PDE4D: variants seen among roughly 807,000 people sequenced by gnomAD.
PDE4D encodes 3',5'-cyclic-AMP phosphodiesterase 4D.
Under a neutral mutation model 87.4 loss-of-function variants are expected in PDE4D, and 24 were observed. The ratio of observed to expected loss-of-function variants is 0.27; its 90% CI spans 0.20 to 0.39. PDE4D has a LOEUF of 0.39. Ranked by LOEUF, PDE4D falls within the 10% of genes least tolerant of loss-of-function variation. PDE4D has a pLI of 1.00. For missense variants in PDE4D, 714 were observed against 1,041.0 expected, an observed-to-expected ratio of 0.69 and a Z score of 4.32; for synonymous variants, 384 against 383.2, an observed-to-expected ratio of 1.00 and a Z score of -0.02.
intron 1 of PDE4D, among the ~76,000 whole-genome samples, chr5:60,393,259 CAG>C (rs892338377): frequency 5.9e-5 from 9 of 152,112 alleles, no homozygotes; most frequent in African/African-American, 2.2e-4. Flanking sequence ...CATAGGAAAA[CAG>C]TGAGAACTGG....
chr5:59,520,666 A>T (rs73097395), intron 1 of PDE4D, among the ~76,000 whole-genome samples: 12,227 of 149,018 alleles, frequency 0.082, 1,551 homozygotes, highest in African/African-American at 0.28. Flanking sequence ...AACCTTTATT[A>T]AAAAAAAAAG....
rs531176181 is a variant in PDE4D at position 60,063,999 on chromosome 5, T to G, written c.43-75282A>C. Among the ~76,000 whole-genome samples the G allele has an allele frequency of 6.2e-4, 94 of 152,158 alleles. 1 individual carries two copies. The Middle Eastern group carries it at 0.041, about 66-fold the overall frequency. On this transcript the variant is annotated intron_variant, in intron 2 of 16. Coordinates refer to the PDE4D transcript ENST00000502484. ...ATGACACAATTGTATACATTATGCA[T>G]CTTTTGAACACAAAAGTCTTCCTGG...
At chr5:59,971,055 T>C (rs1206201817) in intron 3 of PDE4D, among the ~76,000 whole-genome samples, 1 of 151,818 alleles carries the variant, frequency 6.6e-6, no homozygotes, top group Non-Finnish European at 1.5e-5. Context: ...ATGTCCTTTG[T>C]AGGGACATGG....
intron 1 of PDE4D, among the ~76,000 whole-genome samples, chr5:60,401,789 G>A (rs1016054576): frequency 6.6e-6 from 1 of 152,162 alleles, no homozygotes; most frequent in African/African-American, 2.4e-5. Flanking sequence ...CATTGAAATG[G>A]TTCCCAGAAC....
At chr5:60,009,321 A>G (rs928793298) in intron 2 of PDE4D, among the ~76,000 whole-genome samples, 1 of 152,066 alleles carries the variant, frequency 6.6e-6, no homozygotes, top group Non-Finnish European at 1.5e-5. Flanking sequence ...TTTCCTTTCT[A>G]AAGGCTCACA....
chr5:59,923,531 T>G (rs1364119062), intron 3 of PDE4D, among the ~76,000 whole-genome samples: 1 of 152,174 alleles, frequency 6.6e-6, no homozygotes, highest in Non-Finnish European at 1.5e-5. Context: ...AGACCCCATT[T>G]GTTTGGTAGA....
intron 1 of PDE4D, among the ~76,000 whole-genome samples, chr5:60,474,373 T>C (rs1748146052): frequency 6.6e-6 from 1 of 151,436 alleles, no homozygotes; most frequent in Non-Finnish European, 1.5e-5. Context: ...GAGAGAGCCC[T>C]CACAACCTAA....
At chr5:60,411,938 C>T (rs1267371473) in intron 1 of PDE4D, among the ~76,000 whole-genome samples, 3 of 152,072 alleles carry the variant, frequency 2.0e-5, no homozygotes, top group Admixed American at 6.6e-5. Flanking sequence ...CTTTATCTTC[C>T]CAAAGATTCC....
chr5:60,224,459 TTGG>T (rs1744860380), intron 1 of PDE4D, among the ~76,000 whole-genome samples: 2 of 152,118 alleles, frequency 1.3e-5, no homozygotes, highest in Admixed American at 1.3e-4. Flanking sequence ...CTTGGGTCAC[TTGG>T]TGGTGTTTCA....
chr5:59,606,320 C>G (rs771453062), intron 1 of PDE4D, among the ~76,000 whole-genome samples: 1 of 152,056 alleles, frequency 6.6e-6, no homozygotes, highest in Non-Finnish European at 1.5e-5. Flanking sequence ...TAGAAACATG[C>G]AACAGCACAT....
At chr5:59,311,991 T>C (rs1283774379) in intron 1 of PDE4D, among the ~76,000 whole-genome samples, 2 of 152,066 alleles carry the variant, frequency 1.3e-5, no homozygotes, top group Non-Finnish European at 2.9e-5. Flanking sequence ...ACCTCCTCCT[T>C]TGGAGGTGAA....
chr5:59,637,139 GA>G (rs1232336183), intron 1 of PDE4D, among the ~76,000 whole-genome samples: 2 of 152,102 alleles, frequency 1.3e-5, no homozygotes, highest in Non-Finnish European at 2.9e-5. Context: ...ACAAGCATAT[GA>G]AAAAAGCTCA....
chr5:60,204,073 T>C (rs1429424312), intron 1 of PDE4D, among the ~76,000 whole-genome samples: 1 of 150,596 alleles, frequency 6.6e-6, no homozygotes. Flanking sequence ...CACATTTTTC[T>C]GTAAATTAAA....
chr5:60,143,831 C>T (rs1780769774), intron 2 of PDE4D, among the ~76,000 whole-genome samples: 1 of 151,864 alleles, frequency 6.6e-6, no homozygotes, highest in Non-Finnish European at 1.5e-5. Flanking sequence ...ACATAAGATC[C>T]CAAACTAGTC....
chr5:59,100,527 T>C (rs1770559605), intron 5 of PDE4D, among the ~76,000 whole-genome samples: 1 of 152,218 alleles, frequency 6.6e-6, no homozygotes, highest in South Asian at 2.1e-4. Flanking sequence ...AACATTACTC[T>C]ACACACAGTC....
intron 1 of PDE4D, among the ~76,000 whole-genome samples, chr5:59,708,029 G>A (rs1245369961): frequency 1.3e-5 from 2 of 152,048 alleles, no homozygotes; most frequent in Non-Finnish European, 2.9e-5. Flanking sequence ...TTGAGGAATC[G>A]CCATACAGTC....
chr5:59,612,074 GT>G (rs1459171562), intron 1 of PDE4D, among the ~76,000 whole-genome samples: 1 of 152,144 alleles, frequency 6.6e-6, no homozygotes, highest in Non-Finnish European at 1.5e-5. Context: ...ATAAGCTTGA[GT>G]TTTTCTTTAG....
intron 2 of PDE4D, among the ~76,000 whole-genome samples, chr5:60,047,418 T>A (rs1769423767): frequency 1.3e-5 from 2 of 152,232 alleles, no homozygotes; most frequent in Non-Finnish European, 2.9e-5. Flanking sequence ...AGCTTTTGAA[T>A]GTGTTTGCTC....
At chr5:59,392,241 G>A (rs1187421710) in intron 1 of PDE4D, among the ~76,000 whole-genome samples, 2 of 151,646 alleles carry the variant, frequency 1.3e-5, no homozygotes, top group African/African-American at 2.4e-5. Flanking sequence ...ATCTGGGTGG[G>A]CACAATCTAA....
Sources: allele counts gnomAD v4.1 joint callset (sites outside exome capture counted in the v4.1 genomes callset), GRCh38; gene constraint gnomAD v4.1.1; transcripts MANE v1.5; gene names NCBI Gene and HGNC (gene_info 2026-07-23, HGNC 2026-07-21).